PLXNC1: variants seen among roughly 807,000 people sequenced by gnomAD.
PLXNC1 encodes plexin C1, also known as plexin-C1.
A neutral mutation model predicts 178.2 loss-of-function variants in PLXNC1; 75 were observed. That is an observed-to-expected ratio of 0.42 (90% confidence interval 0.35 to 0.51). The LOEUF is 0.51. Among genes scored for constraint, PLXNC1 ranks in the 20% least tolerant of loss-of-function variants. PLXNC1 has a pLI of 0.02. For synonymous variants in PLXNC1, 790 were observed against 779.9 expected, an observed-to-expected ratio of 1.01 and a Z score of -0.22; for missense variants, 1,503 against 1,984.4, an observed-to-expected ratio of 0.76 and a Z score of 4.61.
Position 94,305,594 on chromosome 12 carries a change from C to A in PLXNC1, c.*309C>A. 1 of 267,046 alleles carries A rather than the reference C, an allele frequency of 3.7e-6. No individual in the cohort carries two copies. The highest frequency in any genetic ancestry group is 8.0e-5 in the East Asian group (1 of 12,566). 16.5% of individuals were successfully genotyped at this position (267,046 alleles called of 1,614,324 possible). A position where few individuals can be genotyped will look rare whatever the true frequency, so the allele number is the denominator to read the frequency against. On this transcript the variant is annotated 3_prime_UTR_variant, in exon 31 of 31. Coordinates refer to ENST00000258526, the MANE Select transcript of PLXNC1 (RefSeq NM_005761.3). ...ATTGTAACTACAGTCTCCACTTAAGCACAATGATATAAGTGGTTTTGTTTG... is the reference window on the plus strand; with the variant it reads ...ATTGTAACTACAGTCTCCACTTAAGAACAATGATATAAGTGGTTTTGTTTG...
intron 17 of PLXNC1, among the ~76,000 whole-genome samples, chr12:94,258,957 C>T (rs1272010553): frequency 9.2e-5 from 14 of 152,282 alleles, no homozygotes; most frequent in East Asian, 7.7e-4. Flanking sequence ...AACTTAACAA[C>T]GTAATTTAGT....
chr12:94,148,880 ACCGCCG>A lies in PLXNC1; in HGVS notation c.-80_-75del. On this transcript the variant is annotated 5_prime_UTR_variant, in exon 1 of 31. Transcript: ENST00000258526. This position sits in a 1 kb window ranked among gnomAD's most constrained non-coding sequence, Gnocchi z 4.8. Reference sequence around the variant, plus strand: ...CGCGGGAGCCCGAGCGCGCGCAGGAACCGCCGCCGCCGCCGCCCGCGTCTCCGTTGC... The same window carrying A: ...CGCGGGAGCCCGAGCGCGCGCAGGAACCGCCGCCGCCCGCGTCTCCGTTGC... The A allele has an allele frequency of 4.0e-6, 1 of 251,012 alleles. No individual in the cohort carries two copies. Among genetic ancestry groups the A allele is most frequent in the Non-Finnish European group, 6.3e-6 (1 of 159,470 alleles). 15.5% of individuals were successfully genotyped at this position (251,012 alleles called of 1,614,324 possible). A position where few individuals can be genotyped will look rare whatever the true frequency, so the allele number is the denominator to read the frequency against.
At chr12:94,214,610 G>A (rs753987284) in intron 5 of PLXNC1, among the ~76,000 whole-genome samples, 6 of 152,144 alleles carry the variant, frequency 3.9e-5, no homozygotes, top group Non-Finnish European at 8.8e-5. Flanking sequence ...ATGAATTAAC[G>A]TTAAATGAAG....
chr12:94,279,825 G>A (rs1966302282), intron 22 of PLXNC1, 176 bp downstream of exon 22: 1 of 712,174 alleles, frequency 1.4e-6, no homozygotes, highest in Non-Finnish European at 2.6e-6. Context: ...GGTCTCTCAT[G>A]GGCATCCTGA....
At chr12:94,239,690 G>A (rs567159491) in intron 10 of PLXNC1, among the ~76,000 whole-genome samples, 8 of 152,312 alleles carry the variant, frequency 5.3e-5, no homozygotes, top group African/African-American at 4.8e-5. Flanking sequence ...AGAAAGCTTC[G>A]CTCTGACTCT....
At chr12:94,257,529 T>C (rs1014821297) in intron 17 of PLXNC1, among the ~76,000 whole-genome samples, 4 of 152,020 alleles carry the variant, frequency 2.6e-5, no homozygotes, top group Non-Finnish European at 4.4e-5. Context: ...ATCCCAGCAC[T>C]TTGGGAGGCC....
chr12:94,155,511 AT>A (rs199821408), intron 1 of PLXNC1, among the ~76,000 whole-genome samples: 10 of 152,110 alleles, frequency 6.6e-5, no homozygotes, highest in East Asian at 1.9e-4. Context: ...AACTTGTCGC[AT>A]TTTTTTTCCC....
At chr12:94,255,756 C>G (rs1477266868) in intron 17 of PLXNC1, 1 of 162,208 alleles carries the variant, frequency 6.2e-6, no homozygotes, top group African/African-American at 2.4e-5. Context: ...GGAAAGTAGA[C>G]ATGGATGGAA....
chr12:94,175,113 AC>A (rs1962001949), intron 2 of PLXNC1, among the ~76,000 whole-genome samples: 1 of 152,224 alleles, frequency 6.6e-6, no homozygotes, highest in South Asian at 2.1e-4. Flanking sequence ...GTGTGTGTGC[AC>A]GCATGCACAG....
intron 9 of PLXNC1, among the ~76,000 whole-genome samples, chr12:94,233,132 A>G (rs991828859): frequency 6.6e-6 from 1 of 152,096 alleles, no homozygotes; most frequent in Non-Finnish European, 1.5e-5. Flanking sequence ...GAGTGTATTA[A>G]CCTCAAAGAC....
intron 1 of PLXNC1, among the ~76,000 whole-genome samples, chr12:94,161,332 T>C (rs1175714391): frequency 1.3e-5 from 2 of 152,110 alleles, no homozygotes; most frequent in Non-Finnish European, 2.9e-5. Context: ...CCATAAATAA[T>C]AGGTGGATGA....
intron 6 of PLXNC1, among the ~76,000 whole-genome samples, chr12:94,223,020 T>C (rs895523990): frequency 2.0e-5 from 3 of 152,220 alleles, no homozygotes; most frequent in African/African-American, 7.2e-5. Context: ...TAAGGGTTTT[T>C]AGACTTTGGG....
chr12:94,210,563 C>G (rs1963438253), intron 5 of PLXNC1, among the ~76,000 whole-genome samples: 1 of 152,212 alleles, frequency 6.6e-6, no homozygotes, highest in Non-Finnish European at 1.5e-5. Context: ...GCCACTTTCT[C>G]TTTTCCCTTA....
intron 2 of PLXNC1, among the ~76,000 whole-genome samples, chr12:94,177,206 TATATATGTGTGTGTATATATATAC>T (rs1404015361): frequency 1.2e-3 from 70 of 56,664 alleles, no homozygotes; most frequent in African/African-American, 4.3e-3. Context: ...TATACGTATA[TATATATGTGTGTGTATATATATAC>T]ATATATATAT....
intron 2 of PLXNC1, among the ~76,000 whole-genome samples, chr12:94,173,047 G>A (rs1183861780): frequency 6.6e-6 from 1 of 152,134 alleles, no homozygotes; most frequent in Non-Finnish European, 1.5e-5. Context: ...GTTATGTCTA[G>A]TCACCCCCGC....
rs375199402 is a variant in PLXNC1, at chr12:94,239,976, C to A, written c.2121-509C>A. Among the ~76,000 whole-genome samples the A allele has an allele frequency of 2.6e-4, 39 of 152,200 alleles. 1 individual carries two copies. Among genetic ancestry groups the A allele is most frequent in the African/African-American group, 8.7e-4 (36 of 41,522 alleles). On this transcript the variant is annotated intron_variant, in intron 10 of 30. Coordinates refer to ENST00000258526, the MANE Select transcript of PLXNC1 (RefSeq NM_005761.3). ...TACAAGAGAGATGAGTGTAATGAAC[C>A]TCTCTGTAGCCATTCCCGGTTTCAA...
In PLXNC1 at chr12:94,186,385, C is replaced by A. The variant is rs780213957; in HGVS notation, c.1351C>A (p.Arg451Ser). Residue 451 changes from arginine to serine, a missense_variant, in exon 4 of 31, where the codon CGT (arginine) becomes AGT (serine). Around this residue, in one of 4 missense-constraint regions of PLXNC1, gnomAD observed 615 missense variants for 698.6 expected, o/e 0.88. Transcript: ENST00000258526. ...LTAGKEVRRI[R>S]VANCNKHKSC... The stretch of plus-strand genomic sequence containing the variant: ...TCTTTCCTTTTAGGTGAGGAGAATT[C>A]GTGTTGCAAACTGCAATAAACATAA... 2.7e-5 allele frequency: 43 copies of A among 1,610,786 alleles called. No individual in the cohort carries two copies. In the Admixed American group the frequency reaches 7.2e-4, roughly 27 times the overall value.
At chr12:94,177,216 TGTGTATATATATAC>T (rs1962121525) in intron 2 of PLXNC1, among the ~76,000 whole-genome samples, 2 of 79,988 alleles carry the variant, frequency 2.5e-5, no homozygotes, top group African/African-American at 1.0e-4. Context: ...TATATATGTG[TGTGTATATATATAC>T]ATATATATAT....
intron 10 of PLXNC1, 139 bp from the exon 11 acceptor site, chr12:94,240,344 ATG>A: frequency 1.6e-6 from 1 of 619,878 alleles, no homozygotes; most frequent in Non-Finnish European, 2.8e-6. Flanking sequence ...CTGGCCCCTC[ATG>A]AGTCAGTAGT....
Sources: gnomAD v4.1 joint callset for allele counts (sites outside exome capture counted in the v4.1 genomes callset) on GRCh38, gnomAD v4.1.1 for gene constraint, gnomAD v4.1.1 regional missense constraint, Gnocchi (gnomAD v3.1) non-coding constraint, MANE v1.5 for transcripts, NCBI Gene and HGNC (gene_info 2026-07-23, HGNC 2026-07-21) for gene names.